The following RB1 variants were observed in gnomAD, a reference collection of about 807,000 sequenced individuals.
The protein encoded by RB1 is retinoblastoma-associated protein.
Under a neutral mutation model 135.4 loss-of-function variants are expected in RB1, and 18 were observed. The observed-to-expected ratio is 0.13, with a 90% confidence interval of 0.09 to 0.20. The LOEUF (loss-of-function observed/expected upper bound fraction) is 0.20. Ranked by LOEUF, RB1 falls within the 10% of genes least tolerant of loss-of-function variation. The pLI, the probability that RB1 is intolerant of heterozygous loss-of-function variation, is 1.00. For missense variants in RB1, 868 were observed against 1,110.0 expected (o/e 0.78, Z 3.10); for synonymous variants, 365 against 373.2 (o/e 0.98, Z 0.25).
chr13:48,346,099 CTTTTTT>C (rs35882805), intron 4 of RB1, among the ~76,000 whole-genome samples: 1 of 117,138 alleles, frequency 8.5e-6, no homozygotes, highest in Admixed American at 8.9e-5. Context: ...CATTGGCCAT[CTTTTTT>C]TTTTTTTTTT....
chr13:48,396,874 G>A (rs1331388536), intron 17 of RB1, among the ~76,000 whole-genome samples: 1 of 152,066 alleles, frequency 6.6e-6, no homozygotes, highest in Non-Finnish European at 1.5e-5. Context: ...TATTTATGTG[G>A]CCAACAAACA....
intron 23 of RB1, among the ~76,000 whole-genome samples, chr13:48,471,661 G>C (rs951692649): frequency 6.0e-5 from 9 of 150,526 alleles, no homozygotes; most frequent in African/African-American, 2.0e-4. Context: ...CTTCTTTTGA[G>C]AACAATTTGA....
intron 9 of RB1, among the ~76,000 whole-genome samples, chr13:48,366,360 T>C (rs1405620381): frequency 6.6e-6 from 1 of 152,178 alleles, no homozygotes; most frequent in Non-Finnish European, 1.5e-5. Flanking sequence ...TCAACTAAGG[T>C]AGGACAGGAA....
At chr13:48,325,316 A>G (rs1056652574) in intron 2 of RB1, among the ~76,000 whole-genome samples, 1 of 152,082 alleles carries the variant, frequency 6.6e-6, no homozygotes, top group Non-Finnish European at 1.5e-5. Context: ...CTCTTTTTCT[A>G]TTCCTAGTTA....
At chr13:48,394,999 C>T (rs959113360) in intron 17 of RB1, among the ~76,000 whole-genome samples, 1 of 152,154 alleles carries the variant, frequency 6.6e-6, no homozygotes, top group African/African-American at 2.4e-5. Context: ...CAGGAGAGTT[C>T]CAGCTGCCAT....
At chr13:48,414,246 CTGAGGCAGGAGAATCGCT>C (rs575010150) in intron 17 of RB1, among the ~76,000 whole-genome samples, 1 of 151,598 alleles carries the variant, frequency 6.6e-6, no homozygotes, top group Non-Finnish European at 1.5e-5. Flanking sequence ...ACCCAGGAGA[CTGAGGCAGGAGAATCGCT>C]TGAACCTGGG....
intron 11 of RB1, among the ~76,000 whole-genome samples, chr13:48,369,148 G>T (rs531007444): frequency 1.3e-5 from 2 of 152,044 alleles, no homozygotes; most frequent in African/African-American, 4.8e-5. Flanking sequence ...AAATAAAAAA[G>T]AAAAAATTAA....
chr13:48,360,998 G>T (rs1593444005), intron 7 of RB1, among the ~76,000 whole-genome samples: 1 of 152,034 alleles, frequency 6.6e-6, no homozygotes, highest in East Asian at 1.9e-4. Flanking sequence ...ATTAAGTATG[G>T]AGCAGAATTT....
At position 48,480,604 on chromosome 13, in the gene RB1, A is replaced by G. The variant is rs1305963158; in HGVS notation, c.*533A>G. On this transcript the variant is annotated 3_prime_UTR_variant, in exon 27 of 27. Transcript: ENST00000267163. ...AAAAATGGATATTATTAGAAATTAG[A>G]AAAAAATTACTAATTTTACACATTA... 2 of 226,620 alleles carry G rather than the reference A, an allele frequency of 8.8e-6. No homozygotes were observed. The highest frequency in any genetic ancestry group is 8.8e-6 in the Non-Finnish European group (1 of 113,986). The allele number at this position is 226,620 out of a possible 1,614,324, so 14.0% of individuals were successfully genotyped here. A position where few individuals can be genotyped will look rare whatever the true frequency, so the allele number is the denominator to read the frequency against.
At chr13:48,340,005 T>A (rs1395645487) in intron 2 of RB1, among the ~76,000 whole-genome samples, 1 of 152,146 alleles carries the variant, frequency 6.6e-6, no homozygotes, top group Non-Finnish European at 1.5e-5. Flanking sequence ...CCCACATATA[T>A]ATATTATTAT....
rs139777481 is a variant in RB1 at position 48,410,586 on chromosome 13, G to A, written c.1695+29143G>A. The stretch of plus-strand genomic sequence containing the variant: ...ATAAGTTCTTGACTGTGATGTAAGT[G>A]CACCTTTAAAATGTACCTCTGGTAG... On this transcript the variant is annotated intron_variant, in intron 17 of 26. Transcript: ENST00000267163. Among the ~76,000 whole-genome samples the A allele has an allele frequency of 2.1e-3, 326 of 152,226 alleles. 2 individuals carry two copies. The highest frequency in any genetic ancestry group is 7.4e-3 in the African/African-American group (307 of 41,514).
chr13:48,359,978 A>G (rs777748933), intron 6 of RB1, 39 bp from the exon 7 acceptor site: 16 of 1,606,724 alleles, frequency 1.0e-5, no homozygotes, highest in Admixed American at 8.4e-5. Flanking sequence ...AAAGATCTGA[A>G]TCTCTAACTT....
intron 17 of RB1, among the ~76,000 whole-genome samples, chr13:48,450,870 G>A (rs1949322860): frequency 2.6e-5 from 4 of 152,126 alleles, no homozygotes; most frequent in Admixed American, 2.0e-4. Flanking sequence ...GCAGTGGTTT[G>A]TGGTTGTTGA....
chr13:48,383,088 A>T (rs1199226819), intron 17 of RB1, among the ~76,000 whole-genome samples: 1 of 152,166 alleles, frequency 6.6e-6, no homozygotes, highest in Non-Finnish European at 1.5e-5. Flanking sequence ...TTTAAAGTAC[A>T]GTTGTTATAT....
chr13:48,431,358 A>G (rs1949127812), intron 17 of RB1, among the ~76,000 whole-genome samples: 2 of 152,188 alleles, frequency 1.3e-5, no homozygotes, highest in Admixed American at 6.5e-5. Context: ...GACTAGTGCT[A>G]TGAACATTAA....
In RB1 at chr13:48,321,136, C is replaced by A. The variant is rs529715340; in HGVS notation, c.264+13730C>A. On this transcript the variant is annotated intron_variant, in intron 2 of 26. Coordinates refer to ENST00000267163, the MANE Select transcript of RB1 (RefSeq NM_000321.3). ...GGCCCCCTGCCACCCACCGCGCTGA[C>A]CCTGCCTGCGCTTGCGTCCCGCGTC... Among the ~76,000 whole-genome samples the A allele has an allele frequency of 1.5e-3, 224 of 152,186 alleles. 3 individuals carry two copies. Among genetic ancestry groups the A allele is most frequent in the South Asian group, 9.3e-3 (45 of 4,814 alleles).
In RB1 at chr13:48,319,386, G is replaced by C. The variant is rs1423152101; in HGVS notation, c.264+11980G>C. 2 of 430,302 alleles carry C rather than the reference G, an allele frequency of 4.6e-6. No homozygotes were observed. Among genetic ancestry groups the C allele is most frequent in the Non-Finnish European group, 8.7e-6 (2 of 230,776 alleles). 26.7% of individuals were successfully genotyped at this position (430,302 alleles called of 1,614,324 possible). On this transcript the variant is annotated intron_variant, in intron 2 of 26. Transcript: ENST00000267163. This position sits in a 1 kb window ranked among gnomAD's most constrained non-coding sequence, Gnocchi z 5.0. ...CTAGTACACCTGGATGGCCTCCTCA[G>C]TGCCGTCGTTGCTGCTGGAGTCTGA...
At chr13:48,412,501 C>T in intron 17 of RB1, 1 of 897,726 alleles carries the variant, frequency 1.1e-6, no homozygotes, top group Admixed American at 1.7e-5. Flanking sequence ...ATTATAACCT[C>T]TATAACCTCC....
rs2138359712 is a variant in RB1, at chr13:48,476,852, C to A, written c.2663+9C>A. 3.1e-6 allele frequency: 5 copies of A among 1,613,106 alleles called. No homozygotes were observed. The highest frequency in any genetic ancestry group is 1.1e-5 in the South Asian group (1 of 91,006). Reference sequence around the variant, plus strand: ...GATGAAGCAGATGGAAGGTAGGAACCAGTTTTGAATGTTTTCCAGTAGCCG... The same window carrying A: ...GATGAAGCAGATGGAAGGTAGGAACAAGTTTTGAATGTTTTCCAGTAGCCG... On this transcript the variant is annotated intron_variant, in intron 25 of 26. Transcript: ENST00000267163.
Sources: allele counts gnomAD v4.1 joint callset (sites outside exome capture counted in the v4.1 genomes callset), GRCh38; gene constraint gnomAD v4.1.1; non-coding constraint Gnocchi (gnomAD v3.1); transcripts MANE v1.5; gene names NCBI Gene and HGNC (gene_info 2026-07-23, HGNC 2026-07-21).